Variants in NR1I3 observed in about 807,000 individuals in gnomAD.
NR1I3 encodes the protein nuclear receptor subfamily 1 group I member 3.
Under a neutral mutation model 38.4 loss-of-function variants are expected in NR1I3, and 30 were observed. That is an observed-to-expected ratio of 0.78 (90% CI 0.58 to 1.06). NR1I3 has a LOEUF of 1.06. NR1I3 is among the 50% of genes least tolerant of loss of function. The probability of loss-of-function intolerance (pLI) is 0.00; values close to 1 mark genes in which losing one functional copy is unlikely to be tolerated. For missense variants in NR1I3, 388 were observed against 435.7 expected (o/e 0.89, Z 0.97); for synonymous variants, 143 against 165.1 (o/e 0.87, Z 1.03).
At chr1:161,237,787 A>T (rs1668895808) in intron 1 of NR1I3, among the ~76,000 whole-genome samples, 1 of 152,114 alleles carries the variant, frequency 6.6e-6, no homozygotes, top group Non-Finnish European at 1.5e-5. Context: ...TCAAGTGATC[A>T]ATCCTCCCAC....
At position 161,235,948 on chromosome 1, in the gene NR1I3, G is replaced by A. The variant is rs1571748151; in HGVS notation, c.137C>T (p.Thr46Ile). The A allele has an allele frequency of 6.2e-7, 1 of 1,608,436 alleles. No homozygotes were observed. Among genetic ancestry groups the A allele is most frequent in the Non-Finnish European group, 8.5e-7 (1 of 1,177,542 alleles). The change falls in exon 3 of 9, where the codon ACC (threonine) becomes ATC (isoleucine). Residue 46 changes from threonine (T) to isoleucine (I), a missense_variant. Coordinates refer to ENST00000367983, the MANE Select transcript of NR1I3 (RefSeq NM_005122.5). ...RRTVSKSIGPTCPFAGSCEVS... is the reference protein window; with the variant it reads ...RRTVSKSIGPICPFAGSCEVS... The stretch of plus-strand genomic sequence containing the variant: ...TTCACAGCTTCCAGCAAAGGGGCAG[G>A]TGGGACCAATGCTTTTGCTGACTGT...
intron 3 of NR1I3, chr1:161,235,309 G>A (rs1192659016): frequency 8.8e-6 from 1 of 113,600 alleles, no homozygotes; most frequent in African/African-American, 3.5e-5. Flanking sequence ...CTGTCACCCA[G>A]GCTGGAGTGC....
At chr1:161,231,833 T>C (rs1410376939) in intron 5 of NR1I3, among the ~76,000 whole-genome samples, 1 of 151,920 alleles carries the variant, frequency 6.6e-6, no homozygotes, top group East Asian at 1.9e-4. Context: ...TTTATATGTT[T>C]TTATTTTTTG....
At chr1:161,235,819 A>C in intron 3 of NR1I3, 28 bp downstream of exon 3, 1 of 1,613,616 alleles carries the variant, frequency 6.2e-7, no homozygotes, top group Non-Finnish European at 8.5e-7. Flanking sequence ...CAGTCAATGG[A>C]TTCTTGAGAT....
Position 161,235,925 on chromosome 1 carries a change from C to T in NR1I3, c.160G>A (p.Glu54Lys), listed in dbSNP as rs907551338. 4 of 1,612,552 alleles carry T rather than the reference C, an allele frequency of 2.5e-6. No homozygotes were observed. Among genetic ancestry groups the T allele is most frequent in the African/African-American group, 1.3e-5 (1 of 74,858 alleles). Residue 54 changes from glutamate to lysine, a missense_variant, in exon 3 of 9, where the codon GAA becomes AAA. Transcript: ENST00000367983. ...TGGCGCCTCTGAGTCTTGCTGACTT[C>T]ACAGCTTCCAGCAAAGGGGCAGGTG... ...GPTCPFAGSCEVSKTQRRHCP... is the reference protein window; with the variant it reads ...GPTCPFAGSCKVSKTQRRHCP...
intron 3 of NR1I3, among the ~76,000 whole-genome samples, chr1:161,234,103 C>T (rs1170464489): frequency 5.3e-5 from 8 of 151,860 alleles, no homozygotes; most frequent in African/African-American, 1.9e-4. Flanking sequence ...GCAATTCTCC[C>T]TGCCTCAGCC....
chr1:161,231,353 A>G lies in NR1I3; in HGVS notation c.670T>C (p.Tyr224His). 6.4e-7 allele frequency: 1 copy of G among 1,572,472 alleles called. No homozygotes were observed. The highest frequency in any genetic ancestry group is 8.6e-7 in the Non-Finnish European group (1 of 1,161,380). ...CCACGGGCTCCATCTTCAATTGTGT[A>G]GCGAAGAGGCCCGCAGAGGAAGTTT... ...TQNFLCGPLR[Y>H]TIEDGARVGF... The change falls in exon 6 of 9, where the codon TAC (tyrosine) becomes CAC (histidine). Residue 224 changes from tyrosine (Y) to histidine (H), a missense_variant. Transcript: ENST00000367983.
rs369938358 is a variant in NR1I3, at chr1:161,235,390, G to A, written c.238+457C>T. ...CGCCATTCTCCTGCCTCAGCCTCCC[G>A]AGTAGCTGGGACTACAGGCGCCCGC... On this transcript the variant is annotated intron_variant, in intron 3 of 8. Coordinates refer to ENST00000367983, the MANE Select transcript of NR1I3 (RefSeq NM_005122.5). 1.0e-3 allele frequency: 149 copies of A among 145,412 alleles called. 3 individuals are homozygous for A. The East Asian group carries it at 0.031, about 31-fold the overall frequency. 9.0% of individuals were successfully genotyped at this position (145,412 alleles called of 1,614,324 possible). A position where few individuals can be genotyped will look rare whatever the true frequency, so the allele number is the denominator to read the frequency against.
rs1431301749 is a variant in NR1I3, at chr1:161,233,873, GTGTGTGTGTGTGTGTA to G, written c.239-551_239-536del. 1.1e-3 allele frequency among the ~76,000 whole-genome samples: 165 copies of G among 144,114 alleles called. 3 individuals are homozygous for G. Among genetic ancestry groups the G allele is most frequent in the African/African-American group, 3.8e-3 (137 of 36,500 alleles). The allele number at this position is 144,114 out of a possible 152,430, so 94.5% of individuals were successfully genotyped here. A position where few individuals can be genotyped will look rare whatever the true frequency, so the allele number is the denominator to read the frequency against. On this transcript the variant is annotated intron_variant, in intron 3 of 8. Transcript: ENST00000367983. ...TGTGTGTGTGTGTGTGTGTGTGTGT[GTGTGTGTGTGTGTGTA>G]TATGTGTGTGTATATATATGTGTAT...
Position 161,233,273 on chromosome 1 carries a change from T to A in NR1I3, c.304A>T (p.Thr102Ser), listed in dbSNP as rs775668216. ...TGCTCCTTACTCAGTTGCACAGGTGTTTGCTGTGCCCGCCGCTGGGCCTGC... is the reference window on the plus strand; with the variant it reads ...TGCTCCTTACTCAGTTGCACAGGTGATTGCTGTGCCCGCCGCTGGGCCTGC... ...AKQAQRRAQQ[T>S]PVQLSKEQEE... Residue 102 changes from threonine (T) to serine (S), a missense_variant, in exon 4 of 9, where the codon ACA becomes TCA. Coordinates refer to ENST00000367983, the MANE Select transcript of NR1I3 (RefSeq NM_005122.5). The A allele has an allele frequency of 1.9e-6, 3 of 1,614,028 alleles. No individual in the cohort carries two copies. Among genetic ancestry groups the A allele is most frequent in the East Asian group, 2.2e-5 (1 of 44,880 alleles).
chr1:161,230,948 T>G (rs764429489), intron 7 of NR1I3, 30 bp from the exon 8 acceptor site: 1 of 1,613,530 alleles, frequency 6.2e-7, no homozygotes. Flanking sequence ...GAAGGACAAG[T>G]TGGGTGGCAG....
chr1:161,236,042 A>G lies in NR1I3; in HGVS notation c.108-65T>C, dbSNP rs866405516. ...TGGATAGGTGAGGGGCTGAGATGAC[A>G]TGGTCTAAAAGACCTGGGAATCTGG... On this transcript the variant is annotated intron_variant, in intron 2 of 8. Transcript: ENST00000367983. 5.3e-6 allele frequency: 8 copies of G among 1,520,052 alleles called. No individual in the cohort carries two copies. The Middle Eastern group carries it at 8.9e-4, about 169-fold the overall frequency. 94.2% of individuals were successfully genotyped at this position (1,520,052 alleles called of 1,614,324 possible). A position where few individuals can be genotyped will look rare whatever the true frequency, so the allele number is the denominator to read the frequency against.
At position 161,231,389 on chromosome 1, in the gene NR1I3, G is replaced by C; in HGVS notation, c.634C>G (p.Leu212Val). The C allele has an allele frequency of 6.4e-7, 1 of 1,563,804 alleles. No homozygotes were observed. ...CHIVLNTTFC[L>V]QTQNFLCGPL... Reference sequence around the variant, plus strand: ...CCGCAGAGGAAGTTTTGTGTTTGGAGACAGAAAGTGGTATTGAGTACGATG... The same window carrying C: ...CCGCAGAGGAAGTTTTGTGTTTGGACACAGAAAGTGGTATTGAGTACGATG... The change falls in exon 6 of 9, where the codon CTC becomes GTC. Residue 212 changes from leucine to valine, a missense_variant. Physicochemically the swap from Leu to Val is conservative, Grantham distance 32. Coordinates refer to ENST00000367983, the MANE Select transcript of NR1I3 (RefSeq NM_005122.5).
intron 3 of NR1I3, among the ~76,000 whole-genome samples, chr1:161,234,455 C>G (rs771612548): frequency 6.7e-4 from 102 of 152,312 alleles, no homozygotes; most frequent in South Asian, 2.9e-3. Flanking sequence ...AGACCAAGAT[C>G]CTTTGACTTC....
At chr1:161,230,699 A>T (rs1571677346) in intron 8 of NR1I3, 114 bp downstream of exon 8, 1 of 1,443,602 alleles carries the variant, frequency 6.9e-7, no homozygotes. Context: ...AGACCCCACG[A>T]TACCTGAATT....
chr1:161,233,060 T>C, intron 4 of NR1I3, 109 bp downstream of exon 4: 1 of 1,576,710 alleles, frequency 6.3e-7, no homozygotes, highest in Middle Eastern at 1.7e-4. Context: ...GCTGGGGTTC[T>C]GGAGATCTGT....
At chr1:161,231,906 C>T (rs1667404187) in intron 5 of NR1I3, among the ~76,000 whole-genome samples, 1 of 152,218 alleles carries the variant, frequency 6.6e-6, no homozygotes, top group South Asian at 2.1e-4. Context: ...AAGCAGTCCT[C>T]CTGCCTTGGC....
At chr1:161,235,563 C>T in intron 3 of NR1I3, 1 of 320,512 alleles carries the variant, frequency 3.1e-6, no homozygotes, top group Non-Finnish European at 5.9e-6. Flanking sequence ...CCACCGCGCC[C>T]GGCCTGGTGT....
At chr1:161,236,437 C>A in intron 2 of NR1I3, 22 bp downstream of exon 2, 1 of 1,613,676 alleles carries the variant, frequency 6.2e-7, no homozygotes, top group Admixed American at 1.7e-5. Flanking sequence ...AGGGCTATTT[C>A]CATTGGGGAG....
Sources: allele counts gnomAD v4.1 joint callset (sites outside exome capture counted in the v4.1 genomes callset), GRCh38; gene constraint gnomAD v4.1.1; transcripts MANE v1.5; gene names NCBI Gene and HGNC (gene_info 2026-07-23, HGNC 2026-07-21).